The following PDE7B variants were observed in gnomAD, a reference collection of about 807,000 sequenced individuals.
PDE7B encodes phosphodiesterase 7B, also known as 3',5'-cyclic-AMP phosphodiesterase 7B.
A neutral mutation model predicts 56.2 loss-of-function variants in PDE7B; 29 were observed. That is an observed-to-expected ratio of 0.52 (90% CI 0.38 to 0.70). The LOEUF (loss-of-function observed/expected upper bound fraction) is 0.70. Among genes scored for constraint, PDE7B ranks in the 30% least tolerant of loss-of-function variants. The pLI is 0.00. For synonymous variants in PDE7B, 197 were observed against 196.9 expected (o/e 1.00, Z 0.00); for missense variants, 490 against 565.0 (o/e 0.87, Z 1.35).
At chr6:136,041,821 G>T (rs1056340419) in intron 2 of PDE7B, among the ~76,000 whole-genome samples, 18 of 152,202 alleles carry the variant, frequency 1.2e-4, no homozygotes, top group Non-Finnish European at 2.2e-4. Flanking sequence ...TTTTGGAGAT[G>T]AGGTAAATAG....
chr6:136,148,438 G>A (rs1267213267), intron 4 of PDE7B, among the ~76,000 whole-genome samples: 1 of 68,036 alleles, frequency 1.5e-5, no homozygotes, highest in African/African-American at 4.8e-5. Context: ...GAAAGGGAGA[G>A]AGGAGGGTGG....
At position 136,191,013 on chromosome 6, in the gene PDE7B, C is replaced by CTTT. The variant is rs752187218; in HGVS notation, c.1127-579_1127-577dup. Among the ~76,000 whole-genome samples the CTTT allele has an allele frequency of 1.1e-3, 112 of 99,286 alleles. 6 individuals are homozygous for CTTT. Among genetic ancestry groups the CTTT allele is most frequent in the East Asian group, 7.5e-3 (25 of 3,334 alleles). The allele number at this position is 99,286 out of a possible 152,430, so 65.1% of individuals were successfully genotyped here. On this transcript the variant is annotated intron_variant, in intron 12 of 12. Transcript: ENST00000308191. ...CTGCCTTCTTTAGCTCCAGCATACA[C>CTTT]TTTTTTTTTTTTTTTTTTTTTTTTA...
Position 136,195,463 on chromosome 6 carries a change from A to G in PDE7B, c.*3623A>G, listed in dbSNP as rs941081655. 2.0e-5 allele frequency: 3 copies of G among 149,914 alleles called. No individual in the cohort carries two copies. Among genetic ancestry groups the G allele is most frequent in the African/African-American group, 5.0e-5 (2 of 39,902 alleles). The allele number at this position is 149,914 out of a possible 1,614,324, so 9.3% of individuals were successfully genotyped here. On this transcript the variant is annotated 3_prime_UTR_variant, in exon 13 of 13. Transcript: ENST00000308191. ...ATACACATGTGAGGTTTGAAAAAAA[A>G]AAAAAAAAAAAAAAGAACTACCTTG...
intron 3 of PDE7B, among the ~76,000 whole-genome samples, chr6:136,139,032 A>G (rs1274779941): frequency 1.3e-5 from 2 of 152,082 alleles, no homozygotes; most frequent in Admixed American, 6.6e-5. Context: ...GGTTTGTTAC[A>G]TATGTATACA....
chr6:135,964,443 G>T (rs1410569424), intron 2 of PDE7B, among the ~76,000 whole-genome samples: 3 of 152,006 alleles, frequency 2.0e-5, no homozygotes, highest in Non-Finnish European at 4.4e-5. Flanking sequence ...CATACTGGAG[G>T]GAAAATCAGT....
chr6:136,036,207 T>C (rs932556116), intron 2 of PDE7B, among the ~76,000 whole-genome samples: 4 of 152,176 alleles, frequency 2.6e-5, no homozygotes, highest in African/African-American at 9.6e-5. Flanking sequence ...GGTGGAAGTG[T>C]TGAACTGATG....
intron 1 of PDE7B, among the ~76,000 whole-genome samples, chr6:135,915,080 G>A (rs1458982802): frequency 6.9e-6 from 1 of 144,396 alleles, no homozygotes; most frequent in African/African-American, 2.8e-5. Context: ...GCTACAGAGC[G>A]AGACTCCATT....
At chr6:136,079,221 C>A (rs1777169355) in intron 2 of PDE7B, among the ~76,000 whole-genome samples, 1 of 152,038 alleles carries the variant, frequency 6.6e-6, no homozygotes, top group Admixed American at 6.6e-5. Context: ...GTCAGTGACC[C>A]CCTGTACCCT....
intron 2 of PDE7B, among the ~76,000 whole-genome samples, chr6:136,001,932 G>A (rs898211332): frequency 1.3e-5 from 2 of 152,062 alleles, no homozygotes; most frequent in African/African-American, 2.4e-5. Flanking sequence ...AGGAAAAAAT[G>A]TTAAGGGCAG....
chr6:136,156,807 T>C (rs1385892818), intron 8 of PDE7B, among the ~76,000 whole-genome samples: 3 of 152,230 alleles, frequency 2.0e-5, no homozygotes, highest in Admixed American at 6.5e-5. Context: ...TTGAAAATAA[T>C]AGGAAACTTC....
chr6:135,908,663 G>A (rs900700175), intron 1 of PDE7B, among the ~76,000 whole-genome samples: 1 of 152,100 alleles, frequency 6.6e-6, no homozygotes, highest in Non-Finnish European at 1.5e-5. Context: ...GAATAAAATA[G>A]AGCTATATCT....
chr6:136,026,986 C>G (rs1039427974), intron 2 of PDE7B, among the ~76,000 whole-genome samples: 15 of 152,146 alleles, frequency 9.9e-5, no homozygotes, highest in African/African-American at 3.4e-4. Flanking sequence ...AATGGTAGAG[C>G]CTTCGTAATT....
At chr6:135,858,417 T>C (rs761583246) in intron 1 of PDE7B, among the ~76,000 whole-genome samples, 8 of 152,232 alleles carry the variant, frequency 5.3e-5, no homozygotes, top group Non-Finnish European at 1.0e-4. Context: ...CCTCCCAAAG[T>C]GCTGGTATTG....
chr6:136,058,887 A>G (rs932979784), intron 2 of PDE7B, among the ~76,000 whole-genome samples: 2 of 152,324 alleles, frequency 1.3e-5, no homozygotes, highest in African/African-American at 2.4e-5. Flanking sequence ...GGGGGAAAAA[A>G]GTGATTTATA....
intron 3 of PDE7B, among the ~76,000 whole-genome samples, chr6:136,126,059 G>A (rs942891237): frequency 1.3e-5 from 2 of 152,134 alleles, no homozygotes; most frequent in Non-Finnish European, 2.9e-5. Context: ...TTTTCAATAA[G>A]TAAATACTTG....
chr6:135,906,806 G>T (rs1188808016), intron 1 of PDE7B, among the ~76,000 whole-genome samples: 19 of 32,448 alleles, frequency 5.9e-4, no homozygotes, highest in Non-Finnish European at 2.4e-4. Context: ...TGTTAATGAG[G>T]TTTGTTTTTT....
chr6:135,986,372 A>G (rs1038791984), intron 2 of PDE7B, among the ~76,000 whole-genome samples: 12 of 152,196 alleles, frequency 7.9e-5, no homozygotes, highest in Non-Finnish European at 1.2e-4. Context: ...GCAACTACTA[A>G]TATTGTTTAT....
intron 2 of PDE7B, among the ~76,000 whole-genome samples, chr6:136,006,658 T>C (rs528328212): frequency 1.4e-4 from 21 of 152,330 alleles, no homozygotes; most frequent in Middle Eastern, 3.4e-3. Flanking sequence ...GGGTATTTTA[T>C]TCTCTTTGTG....
At chr6:135,926,200 C>T (rs1363644366) in intron 1 of PDE7B, among the ~76,000 whole-genome samples, 3 of 151,228 alleles carry the variant, frequency 2.0e-5, no homozygotes, top group Non-Finnish European at 1.5e-5. Context: ...CATTCTCCTG[C>T]CTCAGCCTCC....
Sources: gnomAD v4.1 joint callset for allele counts (sites outside exome capture counted in the v4.1 genomes callset) on GRCh38, gnomAD v4.1.1 for gene constraint, MANE v1.5 for transcripts, NCBI Gene and HGNC (gene_info 2026-07-23, HGNC 2026-07-21) for gene names.